Variants in RHBDD2 observed in about 807,000 individuals in gnomAD.
RHBDD2 encodes rhomboid domain-containing protein 2.
In RHBDD2, 13 loss-of-function variants were observed where a neutral mutation model predicts 21.7. That is an observed-to-expected ratio of 0.60 (90% CI 0.39 to 0.95). The LOEUF is 0.95. Ranked by LOEUF, RHBDD2 falls within the 40% of genes least tolerant of loss-of-function variation. The pLI is 0.00. For missense variants in RHBDD2, 473 were observed against 478.9 expected (o/e 0.99, Z 0.11); for synonymous variants, 225 against 220.0 (o/e 1.02, Z -0.20).
intron 3 of RHBDD2, among the ~76,000 whole-genome samples, chr7:75,887,242 GTCC>G (rs1314455957): frequency 6.9e-6 from 1 of 144,516 alleles, no homozygotes; most frequent in Non-Finnish European, 1.5e-5. Flanking sequence ...GGTTTAAGCA[GTCC>G]TCCTACCTCA....
rs1353516563 is a variant in RHBDD2, at chr7:75,888,631, A to T, written c.*282A>T. 2 of 431,686 alleles carry T rather than the reference A, an allele frequency of 4.6e-6. No homozygotes were observed. Among genetic ancestry groups the T allele is most frequent in the Non-Finnish European group, 8.4e-6 (2 of 237,844 alleles). The allele number at this position is 431,686 out of a possible 1,614,324, so 26.7% of individuals were successfully genotyped here. A position where few individuals can be genotyped will look rare whatever the true frequency, so the allele number is the denominator to read the frequency against. On this transcript the variant is annotated 3_prime_UTR_variant, in exon 4 of 4. Coordinates refer to ENST00000006777, the MANE Select transcript of RHBDD2 (RefSeq NM_001040456.3). Reference sequence around the variant, plus strand: ...CTCCTCGCCAAGGAACTCGTGGCAGAAGAGGGCAGCAGTTGGCAGTAGCTG... The same window carrying T: ...CTCCTCGCCAAGGAACTCGTGGCAGTAGAGGGCAGCAGTTGGCAGTAGCTG...
At chr7:75,887,163 G>T (rs1304047532) in intron 3 of RHBDD2, among the ~76,000 whole-genome samples, 1 of 141,402 alleles carries the variant, frequency 7.1e-6, no homozygotes, top group African/African-American at 2.7e-5. Context: ...TTTTACACAT[G>T]GTCTTGCTCT....
chr7:75,888,015 A>G lies in RHBDD2; in HGVS notation c.761A>G (p.Tyr254Cys), dbSNP rs377735422. 8 of 1,612,760 alleles carry G rather than the reference A, an allele frequency of 5.0e-6. No individual in the cohort carries two copies. In the African/African-American group the frequency reaches 9.4e-5, roughly 19 times the overall value. The change falls in exon 4 of 4, where the codon TAC becomes TGC. Residue 254 changes from tyrosine to cysteine, a missense_variant. Transcript: ENST00000006777. ...SRKLNPVPGS[Y>C]PTQSCHPHLS... is the part of the protein sequence containing the mutation. ...AGACTGAACCCGGTGCCTGGCTCCT[A>G]CCCCACACAGAGCTGCCACCCTCAC...
Position 75,888,106 on chromosome 7 carries a change from C to G in RHBDD2, c.852C>G (p.Pro284=). The change falls in exon 4 of 4, where the codon CCC becomes CCG. Residue 284 remains proline (P), a synonymous_variant. Transcript: ENST00000006777. ...HASGQKLASW[P]SCTPGHMPTL... is the part of the protein sequence containing the mutation. Reference sequence around the variant, plus strand: ...GTGGTCAGAAGCTGGCCTCCTGGCCCTCCTGCACCCCCGGGCACATGCCCA... The same window carrying G: ...GTGGTCAGAAGCTGGCCTCCTGGCCGTCCTGCACCCCCGGGCACATGCCCA... The G allele has an allele frequency of 6.2e-7, 1 of 1,613,802 alleles. No homozygotes were observed. The highest frequency in any genetic ancestry group is 8.5e-7 in the Non-Finnish European group (1 of 1,180,034).
At chr7:75,887,700 C>T (rs1805763940) in intron 3 of RHBDD2, among the ~76,000 whole-genome samples, 1 of 152,084 alleles carries the variant, frequency 6.6e-6, no homozygotes, top group Admixed American at 6.6e-5. Flanking sequence ...CCCAACGCTC[C>T]ATCTGGTTTA....
chr7:75,883,760 A>T lies in RHBDD2; in HGVS notation c.649A>T (p.Thr217Ser). ...GCGAGTGGCACTGAAGCTCGATCAG[A>T]CCTTCCCCTTCAGCCTGATGAGGAG... The part of the protein sequence containing the change: ...SERVALKLDQ[T>S]FPFSLMRRIS... Residue 217 changes from threonine to serine, a missense_variant, in exon 3 of 4, where the codon ACC becomes TCC. Thr to Ser is a moderately conservative substitution (Grantham distance 58, BLOSUM62 1). Transcript: ENST00000006777. The T allele has an allele frequency of 6.2e-7, 1 of 1,613,606 alleles. No individual in the cohort carries two copies.
At position 75,888,116 on chromosome 7, in the gene RHBDD2, C is replaced by G; in HGVS notation, c.862C>G (p.Pro288Ala). Residue 288 changes from proline (P) to alanine (A), a missense_variant, in exon 4 of 4, where the codon CCC (proline) becomes GCC (alanine). Transcript: ENST00000006777. ...QKLASWPSCT[P>A]GHMPTLPPYQ... ...GCTGGCCTCCTGGCCCTCCTGCACC[C>G]CCGGGCACATGCCCACCTTGCCTCC... 1.2e-6 allele frequency: 2 copies of G among 1,613,840 alleles called. No individual in the cohort carries two copies. The highest frequency in any genetic ancestry group is 1.7e-6 in the Non-Finnish European group (2 of 1,180,044).
At chr7:75,883,450 G>A (rs555844705) in intron 2 of RHBDD2, 210 of 282,206 alleles carry the variant, frequency 7.4e-4, no homozygotes, top group Non-Finnish European at 1.3e-3. Flanking sequence ...TCTGGGAGGC[G>A]GAGCTTGCAG....
chr7:75,879,438 T>C (rs1373751395), intron 1 of RHBDD2, among the ~76,000 whole-genome samples, 178 bp downstream of exon 1: 1 of 152,218 alleles, frequency 6.6e-6, no homozygotes, highest in Non-Finnish European at 1.5e-5. Flanking sequence ...TCTCTTGCTC[T>C]CCGTGTTCCA....
intron 1 of RHBDD2, chr7:75,881,256 C>T (rs1585054692): frequency 2.1e-6 from 2 of 935,230 alleles, no homozygotes; most frequent in Admixed American, 2.3e-5. Flanking sequence ...ATCGGATAAG[C>T]ACTTTCTGAG....
chr7:75,887,903 A>T (rs897385699), intron 3 of RHBDD2, 89 bp from the exon 4 acceptor site: 1 of 1,068,092 alleles, frequency 9.4e-7, no homozygotes, highest in Non-Finnish European at 1.4e-6. Flanking sequence ...GGCATGTTGT[A>T]CTAGAAAGCG....
intron 3 of RHBDD2, among the ~76,000 whole-genome samples, chr7:75,885,134 AAG>A (rs1226305861): frequency 6.6e-6 from 1 of 151,142 alleles, no homozygotes; most frequent in African/African-American, 2.4e-5. Flanking sequence ...AAAAAAAAAA[AAG>A]GTGCAGACAG....
intron 3 of RHBDD2, among the ~76,000 whole-genome samples, chr7:75,885,239 T>C (rs2116032809): frequency 6.6e-6 from 1 of 152,182 alleles, no homozygotes; most frequent in South Asian, 2.1e-4. Flanking sequence ...AACTCACAGA[T>C]GGAAAGTGCT....
chr7:75,885,514 C>G (rs118140197), intron 3 of RHBDD2, among the ~76,000 whole-genome samples: 3,768 of 152,178 alleles, frequency 0.025, 72 homozygotes, highest in Non-Finnish European at 0.04. Context: ...GTCCTCCCCC[C>G]AAAAAAGGAG....
At chr7:75,881,566 T>TC in intron 1 of RHBDD2, 1 of 1,356,354 alleles carries the variant, frequency 7.4e-7, no homozygotes, top group Non-Finnish European at 9.7e-7. Flanking sequence ...AAAAGTATTA[T>TC]TTTTTTCCCT....
At position 75,888,201 on chromosome 7, in the gene RHBDD2, C is replaced by T; in HGVS notation, c.947C>T (p.Ser316Phe). ...VQNHFGPNPT[S>F]SSVYPASAGT... The stretch of plus-strand genomic sequence containing the variant: ...AACCACTTTGGTCCAAACCCCACCT[C>T]CTCCAGTGTCTACCCAGCTTCTGCG... The change falls in exon 4 of 4, where the codon TCC becomes TTC. Residue 316 changes from serine (S) to phenylalanine (F), a missense_variant. Transcript: ENST00000006777. 1 of 1,613,956 alleles carries T rather than the reference C, an allele frequency of 6.2e-7. No individual in the cohort carries two copies. The highest frequency in any genetic ancestry group is 8.5e-7 in the Non-Finnish European group (1 of 1,180,050).
Position 75,888,596 on chromosome 7 carries a change from A to G in RHBDD2, c.*247A>G. 1 of 502,156 alleles carries G rather than the reference A, an allele frequency of 2.0e-6. No homozygotes were observed. The highest frequency in any genetic ancestry group is 3.6e-6 in the Non-Finnish European group (1 of 280,756). The allele number at this position is 502,156 out of a possible 1,614,324, so 31.1% of individuals were successfully genotyped here. On this transcript the variant is annotated 3_prime_UTR_variant, in exon 4 of 4. Coordinates refer to ENST00000006777, the MANE Select transcript of RHBDD2 (RefSeq NM_001040456.3). ...TAAAGTCACGTGGCTCTTTAGTAAC[A>G]CGGACAAGGCTCCTCGCCAAGGAAC... is the stretch of plus-strand genomic sequence containing the variant.
In RHBDD2 at chr7:75,888,104, C is replaced by T. The variant is rs782414663; in HGVS notation, c.850C>T (p.Pro284Ser). 13 of 1,613,688 alleles carry T rather than the reference C, an allele frequency of 8.1e-6. No homozygotes were observed. Among genetic ancestry groups the T allele is most frequent in the Non-Finnish European group, 1.0e-5 (12 of 1,180,040 alleles). The change falls in exon 4 of 4, where the codon CCC becomes TCC. Residue 284 changes from proline (P) to serine (S), a missense_variant. Coordinates refer to ENST00000006777, the MANE Select transcript of RHBDD2 (RefSeq NM_001040456.3). ...HASGQKLASW[P>S]SCTPGHMPTL... is the part of the protein sequence containing the mutation. ...CAGTGGTCAGAAGCTGGCCTCCTGGCCCTCCTGCACCCCCGGGCACATGCC... is the reference window on the plus strand; with the variant it reads ...CAGTGGTCAGAAGCTGGCCTCCTGGTCCTCCTGCACCCCCGGGCACATGCC...
At chr7:75,882,521 C>T (rs781782890) in intron 2 of RHBDD2, among the ~76,000 whole-genome samples, 2 of 152,114 alleles carry the variant, frequency 1.3e-5, no homozygotes, top group Non-Finnish European at 2.9e-5. Flanking sequence ...CACAGGGTTT[C>T]ACCATGTTGC....
Sources: allele counts gnomAD v4.1 joint callset (sites outside exome capture counted in the v4.1 genomes callset), GRCh38; gene constraint gnomAD v4.1.1; transcripts MANE v1.5; gene names NCBI Gene and HGNC (gene_info 2026-07-23, HGNC 2026-07-21).